The following UBAC2 variants were observed in gnomAD, a reference collection of about 807,000 sequenced individuals.
UBAC2 encodes the protein UBA domain containing 2, also known as ubiquitin-associated domain-containing protein 2.
Under a neutral mutation model 44.0 loss-of-function variants are expected in UBAC2, and 26 were observed. That is an observed-to-expected ratio of 0.59 (90% CI 0.43 to 0.82). The LOEUF (loss-of-function observed/expected upper bound fraction) is 0.82. Among genes scored for constraint, UBAC2 ranks in the 40% least tolerant of loss-of-function variants. The pLI, the probability that UBAC2 is intolerant of heterozygous loss-of-function variation, is 0.00. For synonymous variants in UBAC2, 155 were observed against 154.3 expected (o/e 1.00, Z -0.04); for missense variants, 329 against 419.4 (o/e 0.78, Z 1.88).
At chr13:99,274,808 C>T (rs1007697919) in intron 4 of UBAC2, among the ~76,000 whole-genome samples, 4 of 151,656 alleles carry the variant, frequency 2.6e-5, no homozygotes, top group Admixed American at 1.3e-4. Context: ...GCCTCAACTA[C>T]CTGGCCTCAG....
rs191032664 is a variant in UBAC2 at position 99,240,328 on chromosome 13, T to C, written c.159+1774T>C. On this transcript the variant is annotated intron_variant, in intron 2 of 8. Coordinates refer to ENST00000403766, the MANE Select transcript of UBAC2 (RefSeq NM_001144072.2). Reference sequence around the variant, plus strand: ...CATAGTTTTGTGTCCTTGAGTATGATTGCAACACATAAATTATTTAAAACT... The same window carrying C: ...CATAGTTTTGTGTCCTTGAGTATGACTGCAACACATAAATTATTTAAAACT... Among the ~76,000 whole-genome samples the C allele has an allele frequency of 2.4e-3, 371 of 152,320 alleles. 1 individual carries two copies. Among genetic ancestry groups the C allele is most frequent in the African/African-American group, 8.3e-3 (345 of 41,566 alleles).
At chr13:99,375,658 A>G (rs1304544803) in intron 8 of UBAC2, among the ~76,000 whole-genome samples, 1 of 152,252 alleles carries the variant, frequency 6.6e-6, no homozygotes, top group Admixed American at 6.5e-5. Flanking sequence ...TGAATAAACC[A>G]AAAGGAGTCT....
rs371529573 is a variant in UBAC2 at position 99,363,515 on chromosome 13, G to A, written c.808-4272G>A. ...AGTCCAGCAGTGGGCAGCCCAGGCC[G>A]GCGGGGCAGTGTCCTGAAGGTGTCA... is the stretch of plus-strand genomic sequence containing the variant. On this transcript the variant is annotated intron_variant, in intron 7 of 8. Coordinates refer to ENST00000403766, the MANE Select transcript of UBAC2 (RefSeq NM_001144072.2). 1.3e-4 allele frequency among the ~76,000 whole-genome samples: 20 copies of A among 152,330 alleles called. No individual in the cohort carries two copies. The East Asian group carries it at 1.5e-3, about 12-fold the overall frequency.
At chr13:99,336,907 C>G (rs569675550) in intron 6 of UBAC2, among the ~76,000 whole-genome samples, 1 of 152,180 alleles carries the variant, frequency 6.6e-6, no homozygotes, top group East Asian at 1.9e-4. Context: ...CATGGTGCCC[C>G]CCTTCCTTCC....
chr13:99,242,637 C>T (rs1415547390), intron 2 of UBAC2, among the ~76,000 whole-genome samples: 1 of 97,934 alleles, frequency 1.0e-5, no homozygotes, highest in African/African-American at 3.9e-5. Context: ...GGGGGGCTGA[C>T]CCCCCCACCT....
chr13:99,294,768 TTTTTTATTAAAACAAAAC>T (rs2044142611), intron 4 of UBAC2: 1 of 229,354 alleles, frequency 4.4e-6, no homozygotes, highest in Non-Finnish European at 8.5e-6. Flanking sequence ...AATAATTAAA[TTTTTTATTAAAACAAAAC>T]TTTTTACATT....
chr13:99,202,070 C>T (rs1392039445), intron 1 of UBAC2, among the ~76,000 whole-genome samples: 8 of 100,384 alleles, frequency 8.0e-5, no homozygotes, highest in Non-Finnish European at 1.6e-4. Context: ...GAGACTCCAT[C>T]TCAAAAAAAA....
intron 4 of UBAC2, among the ~76,000 whole-genome samples, chr13:99,264,226 A>G (rs999955298): frequency 6.6e-6 from 1 of 152,204 alleles, no homozygotes; most frequent in African/African-American, 2.4e-5. Flanking sequence ...AGGGAAATGT[A>G]CACTGTGACC....
At chr13:99,306,474 T>C (rs2138746535) in intron 4 of UBAC2, among the ~76,000 whole-genome samples, 1 of 152,116 alleles carries the variant, frequency 6.6e-6, no homozygotes, top group Non-Finnish European at 1.5e-5. Flanking sequence ...TTACACTATA[T>C]TGTACTCAGA....
At chr13:99,267,705 T>C (rs1477634779) in intron 4 of UBAC2, among the ~76,000 whole-genome samples, 1 of 152,236 alleles carries the variant, frequency 6.6e-6, no homozygotes, top group African/African-American at 2.4e-5. Context: ...ACATTTATCT[T>C]TTTGTAGCAT....
intron 6 of UBAC2, among the ~76,000 whole-genome samples, chr13:99,334,825 G>A (rs538394050): frequency 7.3e-4 from 111 of 152,088 alleles, no homozygotes; most frequent in African/African-American, 2.6e-3. Context: ...CCAATCAAAA[G>A]GTAGAGATTG....
intron 4 of UBAC2, among the ~76,000 whole-genome samples, chr13:99,293,374 C>G (rs150782701): frequency 6.6e-6 from 1 of 152,160 alleles, no homozygotes; most frequent in Middle Eastern, 3.2e-3. Flanking sequence ...CGTCTCTACT[C>G]CAGTGTAGTC....
In UBAC2 at chr13:99,385,358, C is replaced by T; in HGVS notation, c.*23C>T. ...TGATAGTCCCAGGCCAACACTGGGA[C>T]CGGACCGGCAGCCGAGTGACAGTGC... is the stretch of plus-strand genomic sequence containing the variant. On this transcript the variant is annotated 3_prime_UTR_variant, in exon 9 of 9. Coordinates refer to ENST00000403766, the MANE Select transcript of UBAC2 (RefSeq NM_001144072.2). 1.3e-6 allele frequency: 2 copies of T among 1,595,582 alleles called. No individual in the cohort carries two copies. Among genetic ancestry groups the T allele is most frequent in the Non-Finnish European group, 1.7e-6 (2 of 1,163,702 alleles).
intron 4 of UBAC2, among the ~76,000 whole-genome samples, chr13:99,265,096 G>A (rs1311282597): frequency 6.6e-6 from 1 of 151,412 alleles, no homozygotes; most frequent in Non-Finnish European, 1.5e-5. Context: ...TTTTTTCTTG[G>A]TAATAAAACT....
chr13:99,247,756 T>C (rs1434485397), intron 4 of UBAC2, among the ~76,000 whole-genome samples: 1 of 152,222 alleles, frequency 6.6e-6, no homozygotes, highest in Non-Finnish European at 1.5e-5. Context: ...AATAAAAATA[T>C]GTGCTTTACA....
intron 6 of UBAC2, among the ~76,000 whole-genome samples, chr13:99,335,807 A>G (rs773594548): frequency 6.6e-5 from 10 of 152,096 alleles, no homozygotes; most frequent in Non-Finnish European, 1.5e-4. Context: ...GTGTTGCCAC[A>G]TTGCTCCCCA....
intron 4 of UBAC2, among the ~76,000 whole-genome samples, chr13:99,290,491 C>T (rs999798664): frequency 3.3e-5 from 5 of 151,804 alleles, no homozygotes; most frequent in African/African-American, 4.8e-5. Flanking sequence ...TTTGGGAGGC[C>T]GAGGCAGGTG....
chr13:99,344,600 C>T (rs7338593), intron 7 of UBAC2, among the ~76,000 whole-genome samples: 21,060 of 152,014 alleles, frequency 0.14, 1,494 homozygotes, highest in Middle Eastern at 0.24. Flanking sequence ...TTTTCAGTTA[C>T]TAACTGCTGT....
intron 4 of UBAC2, chr13:99,255,793 A>G: frequency 5.6e-6 from 9 of 1,612,690 alleles, no homozygotes; most frequent in Non-Finnish European, 7.6e-6. Flanking sequence ...GCTATAGAAG[A>G]CAAGGGCTGC....
Sources: allele counts gnomAD v4.1 joint callset (sites outside exome capture counted in the v4.1 genomes callset), GRCh38; gene constraint gnomAD v4.1.1; transcripts MANE v1.5; gene names NCBI Gene and HGNC (gene_info 2026-07-23, HGNC 2026-07-21).